The following SH3PXD2B variants were observed in gnomAD, a reference collection of about 807,000 sequenced individuals.
The protein encoded by SH3PXD2B is SH3 and PX domains 2B.
SH3PXD2B carries 37 observed loss-of-function variants against 73.1 expected under a neutral mutation model. The ratio of observed to expected loss-of-function variants is 0.51; its 90% CI spans 0.39 to 0.67. SH3PXD2B has a LOEUF of 0.67. Ranked by LOEUF, SH3PXD2B falls within the 30% of genes least tolerant of loss-of-function variation. SH3PXD2B has a pLI of 0.00. For missense variants in SH3PXD2B, 1,053 were observed against 1,197.8 expected, an observed-to-expected ratio of 0.88 and a Z score of 1.78; for synonymous variants, 457 against 480.5, an observed-to-expected ratio of 0.95 and a Z score of 0.64.
At chr5:172,348,716 T>C (rs1383789947) in intron 10 of SH3PXD2B, among the ~76,000 whole-genome samples, 4 of 146,776 alleles carry the variant, frequency 2.7e-5, no homozygotes, top group African/African-American at 1.0e-4. Context: ...TCTATTTATT[T>C]ATTTTTGAGG....
At chr5:172,342,115 A>G (rs1316965078) in intron 12 of SH3PXD2B, among the ~76,000 whole-genome samples, 1 of 152,148 alleles carries the variant, frequency 6.6e-6, no homozygotes, top group Non-Finnish European at 1.5e-5. Context: ...AGCCAGGGAG[A>G]GAGGACACAG....
chr5:172,339,097 G>A lies in SH3PXD2B; in HGVS notation c.2008C>T (p.Leu670Phe). ...TTGTCTTGGGACTTGGCAGGCCTGA[G>A]CTTACTCCTGAGGTTGCAGATGTCG... Reference protein sequence around the residue: ...QVDICNLRSKLRPAKSQDKSL... With the variant: ...QVDICNLRSKFRPAKSQDKSL... Residue 670 changes from leucine (L) to phenylalanine (F), a missense_variant, in exon 13 of 13, where the codon CTC (leucine) becomes TTC (phenylalanine). By Grantham distance (22) the Leu-to-Phe change is conservative. Around this residue, in one of 2 missense-constraint regions of SH3PXD2B, gnomAD observed 587 missense variants for 590.7 expected, o/e 0.99. Coordinates refer to ENST00000311601, the MANE Select transcript of SH3PXD2B (RefSeq NM_001017995.3). This position sits in a 1 kb window ranked among gnomAD's most constrained non-coding sequence, Gnocchi z 6.1. The A allele has an allele frequency of 1.2e-6, 2 of 1,614,238 alleles. No individual in the cohort carries two copies. The highest frequency in any genetic ancestry group is 1.7e-6 in the Non-Finnish European group (2 of 1,180,040).
At chr5:172,433,883 T>C (rs1239779797) in intron 1 of SH3PXD2B, among the ~76,000 whole-genome samples, 1 of 152,340 alleles carries the variant, frequency 6.6e-6, no homozygotes, top group African/African-American at 2.4e-5. Context: ...AAATGTTCAC[T>C]GAATGTTGCC....
intron 4 of SH3PXD2B, among the ~76,000 whole-genome samples, chr5:172,386,894 T>C (rs1758071772): frequency 6.6e-6 from 1 of 152,186 alleles, no homozygotes; most frequent in Non-Finnish European, 1.5e-5. Context: ...TTCCAAAGTG[T>C]TGGGATTACA....
rs1207337035 is a variant in SH3PXD2B, at chr5:172,368,744, AAT to A, written c.427+5044_427+5045del. On this transcript the variant is annotated intron_variant, in intron 6 of 12. Transcript: ENST00000311601. ...TATAAAATATATATTTAATATATGT[AAT>A]ATATATATATTTAATATATAATATA... Among the ~76,000 whole-genome samples, 422 of 100,950 alleles carry A rather than the reference AAT, an allele frequency of 4.2e-3. 10 individuals carry two copies. Among genetic ancestry groups the A allele is most frequent in the African/African-American group, 0.012 (267 of 22,948 alleles). 66.2% of individuals were successfully genotyped at this position (100,950 alleles called of 152,430 possible).
At chr5:172,365,881 A>T (rs1254983187) in intron 6 of SH3PXD2B, among the ~76,000 whole-genome samples, 1 of 152,056 alleles carries the variant, frequency 6.6e-6, no homozygotes, top group Non-Finnish European at 1.5e-5. Flanking sequence ...TCTGAATCCA[A>T]TCCAGCATCT....
intron 4 of SH3PXD2B, among the ~76,000 whole-genome samples, chr5:172,388,987 A>G (rs925386519): frequency 2.0e-5 from 3 of 152,148 alleles, no homozygotes; most frequent in African/African-American, 7.2e-5. Context: ...AGAAGACAGA[A>G]GAGTCTGGGT....
chr5:172,394,855 G>T (rs900152629), intron 3 of SH3PXD2B, among the ~76,000 whole-genome samples: 1 of 152,132 alleles, frequency 6.6e-6, no homozygotes, highest in African/African-American at 2.4e-5. Flanking sequence ...ACAAGGGCTT[G>T]GGGGAATGGG....
At chr5:172,419,014 C>T (rs6896402) in intron 2 of SH3PXD2B, among the ~76,000 whole-genome samples, 5,897 of 152,228 alleles carry the variant, frequency 0.039, 221 homozygotes, top group African/African-American at 0.097. Flanking sequence ...ACAGCTAACG[C>T]GCTTACTGAG....
At chr5:172,326,030 G>T (rs1012654478) in intron 12 of SH3PXD2B, among the ~76,000 whole-genome samples, 1 of 152,070 alleles carries the variant, frequency 6.6e-6, no homozygotes, top group Non-Finnish European at 1.5e-5. Flanking sequence ...CAGGTGATCC[G>T]CCTGCCTCAG....
chr5:172,327,752 GTTTT>G (rs3053146), intron 12 of SH3PXD2B, among the ~76,000 whole-genome samples: 2 of 142,426 alleles, frequency 1.4e-5, no homozygotes, highest in Admixed American at 7.0e-5. Context: ...CTGCAACTGG[GTTTT>G]TTTTTTTTTT....
At chr5:172,439,731 C>CACACAG (rs755745674) in intron 1 of SH3PXD2B, among the ~76,000 whole-genome samples, 1 of 148,814 alleles carries the variant, frequency 6.7e-6, no homozygotes, top group African/African-American at 2.5e-5. Context: ...CACACACACA[C>CACACAG]AGCTGCCCAC....
Position 172,362,727 on chromosome 5 carries a change from G to A in SH3PXD2B, c.562+8C>T. On this transcript the variant is annotated splice_region_variant and intron_variant, in intron 7 of 12. Coordinates refer to ENST00000311601, the MANE Select transcript of SH3PXD2B (RefSeq NM_001017995.3). ...GTAGTGGGAGAGGGAGATGGTCTAG[G>A]TCCCCACCTGACTCATTCTTCTCGA... 1 of 1,613,978 alleles carries A rather than the reference G, an allele frequency of 6.2e-7. No homozygotes were observed. The highest frequency in any genetic ancestry group is 8.5e-7 in the Non-Finnish European group (1 of 1,180,004).
intron 6 of SH3PXD2B, among the ~76,000 whole-genome samples, chr5:172,368,744 AATAT>A (rs1207337035): frequency 4.9e-5 from 5 of 101,012 alleles, no homozygotes; most frequent in East Asian, 2.1e-4. Flanking sequence ...TAATATATGT[AATAT>A]ATATATATTT....
chr5:172,348,588 AG>A (rs1258612360), intron 10 of SH3PXD2B, among the ~76,000 whole-genome samples: 2 of 148,526 alleles, frequency 1.3e-5, no homozygotes, highest in East Asian at 2.0e-4. Context: ...CAGTGGTGGT[AG>A]GGGGGTGTCT....
At chr5:172,385,138 C>G (rs541329722) in intron 4 of SH3PXD2B, among the ~76,000 whole-genome samples, 38 of 152,234 alleles carry the variant, frequency 2.5e-4, no homozygotes, top group African/African-American at 8.9e-4. Flanking sequence ...GAGCTGCTGT[C>G]TGCTCCCCCC....
chr5:172,422,682 A>G (rs1158136000), intron 1 of SH3PXD2B, among the ~76,000 whole-genome samples, 186 bp from the exon 2 acceptor site: 1 of 152,240 alleles, frequency 6.6e-6, no homozygotes, highest in Non-Finnish European at 1.5e-5. Flanking sequence ...TGAGTGTAAT[A>G]ACCCCCAACA....
Position 172,353,989 on chromosome 5 carries a change from G to A in SH3PXD2B, c.684C>T (p.Val228=), listed in dbSNP as rs766685187. 3 of 1,614,096 alleles carry A rather than the reference G, an allele frequency of 1.9e-6. No homozygotes were observed. Among genetic ancestry groups the A allele is most frequent in the Non-Finnish European group, 2.5e-6 (3 of 1,180,020 alleles). The change falls in exon 9 of 13, where the codon GTC becomes GTT. Residue 228 remains valine (V), a synonymous_variant. Coordinates refer to ENST00000311601, the MANE Select transcript of SH3PXD2B (RefSeq NM_001017995.3). The surrounding 1 kb of genome is among the most constrained non-coding windows in gnomAD (Gnocchi z 4.3). ...GGTCCCGAGCTGTGTACGGGTAGAT[G>A]ACTGTGTACTTCTCCTCTGTGGGGA... is the stretch of plus-strand genomic sequence containing the variant. The part of the protein sequence containing the change: ...LQPEEEEKYT[V]IYPYTARDQD...
chr5:172,356,026 C>G (rs1370057528), intron 8 of SH3PXD2B, among the ~76,000 whole-genome samples: 8 of 152,116 alleles, frequency 5.3e-5, no homozygotes, highest in Admixed American at 2.0e-4. Flanking sequence ...TAGGTGAGGC[C>G]AAGCTCACCA....
Sources: allele counts gnomAD v4.1 joint callset (sites outside exome capture counted in the v4.1 genomes callset), GRCh38; gene constraint gnomAD v4.1.1; regional missense constraint gnomAD v4.1.1; non-coding constraint Gnocchi (gnomAD v3.1); transcripts MANE v1.5; gene names NCBI Gene and HGNC (gene_info 2026-07-23, HGNC 2026-07-21).